Variants in ATF7IP observed in about 807,000 individuals in gnomAD.
ATF7IP encodes the protein activating transcription factor 7-interacting protein 1.
ATF7IP carries 23 observed loss-of-function variants against 106.4 expected under a neutral mutation model. The ratio of observed to expected loss-of-function variants is 0.22; its 90% confidence interval spans 0.16 to 0.31. The LOEUF is 0.31. Ranked by LOEUF, ATF7IP falls within the 10% of genes least tolerant of loss-of-function variation. The pLI is 1.00. For synonymous variants in ATF7IP, 542 were observed against 539.0 expected, an observed-to-expected ratio of 1.01 and a Z score of -0.08; for missense variants, 1,334 against 1,524.3, an observed-to-expected ratio of 0.88 and a Z score of 2.08.
chr12:14,487,773 T>G lies in ATF7IP; in HGVS notation c.3280+6588T>G, dbSNP rs186748462. Reference sequence around the variant, plus strand: ...GCAGATTTCAGGCTCAGTATTTGCTTCAGAAGCCAGGAGACAGAATCCCTG... The same window carrying G: ...GCAGATTTCAGGCTCAGTATTTGCTGCAGAAGCCAGGAGACAGAATCCCTG... On this transcript the variant is annotated intron_variant, in intron 13 of 14. Transcript: ENST00000261168. Among the ~76,000 whole-genome samples the G allele has an allele frequency of 1.2e-3, 190 of 152,286 alleles. 2 individuals are homozygous for G. The highest frequency in any genetic ancestry group is 4.4e-3 in the African/African-American group (182 of 41,560).
At chr12:14,439,300 GAA>G (rs1039794863) in intron 5 of ATF7IP, among the ~76,000 whole-genome samples, 74 of 152,300 alleles carry the variant, frequency 4.9e-4, no homozygotes, top group African/African-American at 1.5e-3. Flanking sequence ...GCAAATGAAG[GAA>G]AAGTGGCCCA....
At chr12:14,396,637 A>G (rs1181755639) in intron 1 of ATF7IP, among the ~76,000 whole-genome samples, 2 of 152,292 alleles carry the variant, frequency 1.3e-5, no homozygotes, top group African/African-American at 2.4e-5. Context: ...AACAGTAGGA[A>G]AAAGTTTTTC....
chr12:14,475,747 T>A (rs1944240407), intron 10 of ATF7IP, 143 bp from the exon 11 acceptor site: 1 of 578,400 alleles, frequency 1.7e-6, no homozygotes, highest in Non-Finnish European at 3.1e-6. Context: ...TGACAAACTC[T>A]CTTTATTCAG....
At chr12:14,369,341 T>C (rs1938438353) in intron 1 of ATF7IP, 1 of 152,148 alleles carries the variant, frequency 6.6e-6, no homozygotes, top group Admixed American at 6.5e-5. Context: ...TGTATGTTTA[T>C]ATTGTATTTT....
At chr12:14,410,184 T>C (rs1940833853) in intron 1 of ATF7IP, among the ~76,000 whole-genome samples, 1 of 152,180 alleles carries the variant, frequency 6.6e-6, no homozygotes, top group South Asian at 2.1e-4. Context: ...TCCCCCCTTC[T>C]CCACAGTTTT....
chr12:14,370,621 C>T (rs534139356), intron 1 of ATF7IP, among the ~76,000 whole-genome samples: 156 of 152,106 alleles, frequency 1.0e-3, no homozygotes, highest in African/African-American at 3.6e-3. Context: ...ATCGGTATTA[C>T]ACACTTCCTG....
intron 13 of ATF7IP, among the ~76,000 whole-genome samples, chr12:14,494,276 G>A (rs1944923496): frequency 9.5e-6 from 1 of 105,202 alleles, no homozygotes; most frequent in South Asian, 3.2e-4. Flanking sequence ...GGGGGACAGA[G>A]CTAATAGAAT....
At chr12:14,418,544 A>G (rs1224615075) in intron 1 of ATF7IP, among the ~76,000 whole-genome samples, 5 of 152,174 alleles carry the variant, frequency 3.3e-5, no homozygotes, top group Non-Finnish European at 7.4e-5. Context: ...AGTGTTTTGC[A>G]CTGGTATTAC....
At chr12:14,392,777 A>G (rs182725455) in intron 1 of ATF7IP, among the ~76,000 whole-genome samples, 1 of 152,344 alleles carries the variant, frequency 6.6e-6, no homozygotes, top group African/African-American at 2.4e-5. Flanking sequence ...CTGTGAGATA[A>G]GAACTGAAAT....
intron 1 of ATF7IP, among the ~76,000 whole-genome samples, chr12:14,390,511 A>G (rs751064284): frequency 2.6e-5 from 4 of 152,248 alleles, no homozygotes; most frequent in Non-Finnish European, 5.9e-5. Flanking sequence ...GGACATCACT[A>G]TCAACTTGAT....
chr12:14,382,127 A>C (rs982932179), intron 1 of ATF7IP, among the ~76,000 whole-genome samples: 1 of 152,198 alleles, frequency 6.6e-6, no homozygotes. Context: ...GTGAGCCCAG[A>C]AAGTTGAGGC....
chr12:14,409,264 A>G (rs915641641), intron 1 of ATF7IP, among the ~76,000 whole-genome samples: 7 of 152,128 alleles, frequency 4.6e-5, no homozygotes, highest in African/African-American at 1.7e-4. Flanking sequence ...TGGTGGCAGA[A>G]CATGCCATGT....
intron 1 of ATF7IP, among the ~76,000 whole-genome samples, chr12:14,421,515 T>C (rs1350051803): frequency 6.6e-6 from 1 of 152,180 alleles, no homozygotes; most frequent in Non-Finnish European, 1.5e-5. Context: ...ATAACTTCAA[T>C]TGTCACATGG....
intron 10 of ATF7IP, among the ~76,000 whole-genome samples, chr12:14,467,936 T>G (rs904534620): frequency 6.6e-6 from 1 of 152,162 alleles, no homozygotes; most frequent in African/African-American, 2.4e-5. Context: ...TGCAAAAAGT[T>G]GTATTAAACT....
chr12:14,430,815 T>C (rs1409389728), intron 2 of ATF7IP, among the ~76,000 whole-genome samples: 1 of 152,256 alleles, frequency 6.6e-6, no homozygotes, highest in Non-Finnish European at 1.5e-5. Flanking sequence ...GTAATTTGTT[T>C]ACATGTCACA....
intron 1 of ATF7IP, chr12:14,385,261 A>G: frequency 2.7e-6 from 2 of 750,872 alleles, no homozygotes; most frequent in Non-Finnish European, 4.2e-6. Context: ...TCTTGAGTGC[A>G]CATTGCAGCC....
intron 9 of ATF7IP, among the ~76,000 whole-genome samples, chr12:14,462,320 G>A (rs771474297): frequency 6.6e-6 from 1 of 151,904 alleles, no homozygotes. Flanking sequence ...TTTTAACTGA[G>A]GTCAGTGGAC....
chr12:14,439,727 G>A (rs1199980229), intron 5 of ATF7IP, among the ~76,000 whole-genome samples: 1 of 152,138 alleles, frequency 6.6e-6, no homozygotes. Flanking sequence ...CAGCTACTTT[G>A]GAGGTTGAGG....
chr12:14,423,055 C>G (rs1941618164), intron 1 of ATF7IP, among the ~76,000 whole-genome samples: 1 of 152,100 alleles, frequency 6.6e-6, no homozygotes, highest in Non-Finnish European at 1.5e-5. Flanking sequence ...TGCCAACACT[C>G]ATTATTCTCG....
Sources: allele counts gnomAD v4.1 joint callset (sites outside exome capture counted in the v4.1 genomes callset), GRCh38; gene constraint gnomAD v4.1.1; transcripts MANE v1.5; gene names NCBI Gene and HGNC (gene_info 2026-07-23, HGNC 2026-07-21).